The following TMEM163 variants were observed in gnomAD, a reference collection of about 807,000 sequenced individuals.
The protein encoded by TMEM163 is transmembrane protein 163.
In TMEM163, 17 loss-of-function variants were observed where a neutral mutation model predicts 29.3. The observed-to-expected ratio is 0.58, with a 90% CI of 0.40 to 0.87. The LOEUF (loss-of-function observed/expected upper bound fraction) is 0.87. TMEM163 is among the 40% of genes least tolerant of loss of function. The pLI is 0.00. For synonymous variants in TMEM163, 157 were observed against 160.6 expected, an observed-to-expected ratio of 0.98 and a Z score of 0.17; for missense variants, 303 against 381.5, an observed-to-expected ratio of 0.79 and a Z score of 1.71.
intron 5 of TMEM163, among the ~76,000 whole-genome samples, chr2:134,483,116 G>A (rs777803048): frequency 2.4e-4 from 37 of 152,184 alleles, no homozygotes; most frequent in Non-Finnish European, 4.3e-4. Context: ...ACTCTGAGGC[G>A]CTTGGCTGCC....
chr2:134,461,791 G>A (rs761991405), intron 6 of TMEM163, among the ~76,000 whole-genome samples: 2 of 152,170 alleles, frequency 1.3e-5, no homozygotes, highest in Admixed American at 6.5e-5. Context: ...GCCTGGCTCC[G>A]GGTTGGGACC....
rs567382180 is a variant in TMEM163, at chr2:134,494,252, C to A, written c.555+8649G>T. On this transcript the variant is annotated intron_variant, in intron 5 of 7. Coordinates refer to ENST00000281924, the MANE Select transcript of TMEM163 (RefSeq NM_030923.5). ...AATGGAATTATTTTGTCTTGAGTAA[C>A]AACAGTAAGATGGCACTGATAGTCT... is the stretch of plus-strand genomic sequence containing the variant. Among the ~76,000 whole-genome samples, 71 of 152,280 alleles carry A rather than the reference C, an allele frequency of 4.7e-4. 1 individual carries two copies. The highest frequency in any genetic ancestry group is 1.7e-3 in the African/African-American group (71 of 41,570).
intron 2 of TMEM163, among the ~76,000 whole-genome samples, chr2:134,559,234 C>T (rs1012014590): frequency 6.6e-6 from 1 of 152,094 alleles, no homozygotes; most frequent in African/African-American, 2.4e-5. Context: ...TCACCTCTTC[C>T]ACCTGCCTGG....
intron 2 of TMEM163, among the ~76,000 whole-genome samples, chr2:134,696,924 C>T (rs1216494205): frequency 5.3e-5 from 8 of 151,960 alleles, no homozygotes; most frequent in African/African-American, 1.5e-4. Flanking sequence ...TACAGGCACC[C>T]GCCACCATGC....
At chr2:134,691,526 A>G (rs1405089012) in intron 2 of TMEM163, among the ~76,000 whole-genome samples, 2 of 152,194 alleles carry the variant, frequency 1.3e-5, no homozygotes, top group South Asian at 2.1e-4. Flanking sequence ...TCTATTGTAA[A>G]TACACACACA....
At position 134,458,061 on chromosome 2, in the gene TMEM163, G is replaced by A. The variant is rs200093870; in HGVS notation, c.780C>T (p.Ile260=). The A allele has an allele frequency of 4.8e-5, 78 of 1,614,182 alleles. No individual in the cohort carries two copies. Among genetic ancestry groups the A allele is most frequent in the African/African-American group, 1.5e-4 (11 of 75,042 alleles). Residue 260 remains isoleucine (I), a synonymous_variant, in exon 7 of 8, where the codon ATC becomes ATT. Coordinates refer to ENST00000281924, the MANE Select transcript of TMEM163 (RefSeq NM_030923.5). ...WYLDGSIGVL[I]GLTIFAYGVK... Reference sequence around the variant, plus strand: ...CCCCATAGGCAAATATGGTGAGGCCGATCAGAACGCCTATGCTGCCGTCCA... The same window carrying A: ...CCCCATAGGCAAATATGGTGAGGCCAATCAGAACGCCTATGCTGCCGTCCA...
chr2:134,516,723 A>G (rs1031664668), intron 4 of TMEM163, among the ~76,000 whole-genome samples: 6 of 111,200 alleles, frequency 5.4e-5, no homozygotes, highest in Non-Finnish European at 9.4e-5. Flanking sequence ...ATATATATTC[A>G]TATATATGCA....
intron 4 of TMEM163, among the ~76,000 whole-genome samples, chr2:134,530,797 C>G (rs1318985096): frequency 6.6e-6 from 1 of 152,188 alleles, no homozygotes; most frequent in East Asian, 1.9e-4. Context: ...GTAATTATTT[C>G]TGGAAAGTAG....
chr2:134,704,941 G>A (rs1684775082), intron 2 of TMEM163, among the ~76,000 whole-genome samples: 1 of 152,104 alleles, frequency 6.6e-6, no homozygotes, highest in South Asian at 2.1e-4. Context: ...GGGTGTGGTG[G>A]CTCACACCTG....
At chr2:134,570,573 A>G (rs1280897916) in intron 2 of TMEM163, among the ~76,000 whole-genome samples, 1 of 151,726 alleles carries the variant, frequency 6.6e-6, no homozygotes, top group African/African-American at 2.4e-5. Context: ...AATAAAAGAA[A>G]GCCTCTTTTT....
intron 2 of TMEM163, among the ~76,000 whole-genome samples, chr2:134,681,348 C>A (rs777397029): frequency 3.9e-5 from 6 of 152,202 alleles, no homozygotes; most frequent in African/African-American, 9.6e-5. Flanking sequence ...CTGCCTCCTA[C>A]CCTCTTCTCC....
chr2:134,643,509 C>A lies in TMEM163; in HGVS notation c.322+69691G>T, dbSNP rs562798268. Among the ~76,000 whole-genome samples the A allele has an allele frequency of 4.0e-5, 6 of 151,776 alleles. No homozygotes were observed. The South Asian group carries it at 1.3e-3, about 32-fold the overall frequency. ...TATGAGGTGAACATTATCCTGATAC[C>A]AAAACCAAAGAAAGTATAAAAAGAG... On this transcript the variant is annotated intron_variant, in intron 2 of 7. Transcript: ENST00000281924.
At chr2:134,625,847 C>T (rs1682836775) in intron 2 of TMEM163, among the ~76,000 whole-genome samples, 1 of 152,222 alleles carries the variant, frequency 6.6e-6, no homozygotes, top group Non-Finnish European at 1.5e-5. Context: ...CAGCTCCTCA[C>T]CCCACCAACC....
chr2:134,682,717 T>C (rs76594620), intron 2 of TMEM163, among the ~76,000 whole-genome samples: 1,673 of 152,262 alleles, frequency 0.011, 27 homozygotes, highest in African/African-American at 0.037. Flanking sequence ...TGCAGCCACT[T>C]TGGAGGACAG....
intron 1 of TMEM163, among the ~76,000 whole-genome samples, 155 bp downstream of exon 1, chr2:134,718,579 G>T (rs1685090561): frequency 6.6e-6 from 1 of 152,086 alleles, no homozygotes; most frequent in Non-Finnish European, 1.5e-5. Context: ...TGGGGCTGCC[G>T]CTCTCGGCTA....
intron 2 of TMEM163, among the ~76,000 whole-genome samples, chr2:134,561,365 G>A (rs939319523): frequency 6.8e-6 from 1 of 147,540 alleles, no homozygotes; most frequent in African/African-American, 2.7e-5. Flanking sequence ...CACCACACCC[G>A]GCTAATTTTT....
intron 4 of TMEM163, among the ~76,000 whole-genome samples, chr2:134,511,154 G>GGC (rs1553475800): frequency 3.1e-4 from 11 of 35,450 alleles, no homozygotes; most frequent in Admixed American, 1.8e-3. Flanking sequence ...AGAACAAGGC[G>GGC]GGGGGGGGTG....
At chr2:134,477,673 T>G (rs1686950577) in intron 5 of TMEM163, among the ~76,000 whole-genome samples, 2 of 152,182 alleles carry the variant, frequency 1.3e-5, no homozygotes, top group Admixed American at 1.3e-4. Context: ...CATGAAGGCC[T>G]AGAAAGTAAG....
intron 5 of TMEM163, among the ~76,000 whole-genome samples, chr2:134,499,107 A>G (rs1334602745): frequency 6.6e-6 from 1 of 152,188 alleles, no homozygotes; most frequent in Non-Finnish European, 1.5e-5. Flanking sequence ...AACAACCCAT[A>G]TTAATATACG....
Sources: allele counts gnomAD v4.1 joint callset (sites outside exome capture counted in the v4.1 genomes callset), GRCh38; gene constraint gnomAD v4.1.1; transcripts MANE v1.5; gene names NCBI Gene and HGNC (gene_info 2026-07-23, HGNC 2026-07-21).